Variants in HNRNPA3 observed in about 807,000 individuals in gnomAD.
The protein encoded by HNRNPA3 is heterogeneous nuclear ribonucleoprotein A3, also known as epididymis secretory sperm binding protein.
In HNRNPA3, 3 loss-of-function variants were observed where a neutral mutation model predicts 45.8. That is an observed-to-expected ratio of 0.07 (90% CI 0.03 to 0.17). The LOEUF (loss-of-function observed/expected upper bound fraction) is 0.17, where lower values mean the gene tolerates loss of function less well. HNRNPA3 is among the 10% of genes least tolerant of loss of function. The pLI, the probability that HNRNPA3 is intolerant of heterozygous loss-of-function variation, is 1.00. For synonymous variants in HNRNPA3, 170 were observed against 155.6 expected (o/e 1.09, Z -0.69); for missense variants, 183 against 480.3 (o/e 0.38, Z 5.79).
intron 1 of HNRNPA3, 77 bp from the exon 2 acceptor site, chr2:177,215,462 C>G (rs1031100160): frequency 3.3e-5 from 46 of 1,392,236 alleles, no homozygotes; most frequent in Non-Finnish European, 4.3e-5. Context: ...TTATTACTTA[C>G]CGTACATTAA....
At chr2:177,214,349 G>A (rs1688831927) in intron 1 of HNRNPA3, among the ~76,000 whole-genome samples, 1 of 152,070 alleles carries the variant, frequency 6.6e-6, no homozygotes, top group Non-Finnish European at 1.5e-5. Context: ...GTTATAGAAA[G>A]CTATTTGATC....
At chr2:177,218,386 T>C (rs1689049868) in intron 8 of HNRNPA3, among the ~76,000 whole-genome samples, 1 of 152,202 alleles carries the variant, frequency 6.6e-6, no homozygotes, top group African/African-American at 2.4e-5. Flanking sequence ...TTTAGTTGAG[T>C]AGTAAAAAAT....
intron 2 of HNRNPA3, 25 bp downstream of exon 2, chr2:177,215,686 G>T (rs370182722): frequency 6.2e-6 from 10 of 1,613,592 alleles, no homozygotes; most frequent in South Asian, 1.1e-5. Context: ...GAACAGAAGG[G>T]TTCTAAGGGG....
At chr2:177,218,957 A>G in intron 8 of HNRNPA3, 80 bp from the exon 9 acceptor site, 1 of 1,543,180 alleles carries the variant, frequency 6.5e-7, no homozygotes, top group Non-Finnish European at 8.8e-7. Flanking sequence ...ATAATTCTCA[A>G]AAGATAATAG....
chr2:177,217,098 C>T lies in HNRNPA3; in HGVS notation c.820+158C>T, dbSNP rs145275791. On this transcript the variant is annotated intron_variant, in intron 7 of 10. Coordinates refer to ENST00000392524, the Ensembl canonical transcript of HNRNPA3. ...TGGAAGAACAGGAACCCTTTTTCCC[C>T]TGGAGAGACATTAGCTGCTCTTTTT... 4.6e-5 allele frequency among the ~76,000 whole-genome samples: 7 copies of T among 152,134 alleles called. 1 individual carries two copies. Among genetic ancestry groups the T allele is most frequent in the African/African-American group, 1.4e-4 (6 of 41,524 alleles).
At chr2:177,214,671 C>G (rs192547121) in intron 1 of HNRNPA3, among the ~76,000 whole-genome samples, 2 of 152,070 alleles carry the variant, frequency 1.3e-5, no homozygotes, top group African/African-American at 2.4e-5. Flanking sequence ...GGCGGGCGCC[C>G]GTAGTCCCAG....
At chr2:177,223,398 A>C (rs1390156648), downstream of HNRNPA3, 1 of 135,302 alleles carries the variant, frequency 7.4e-6, no homozygotes, top group Non-Finnish European at 1.5e-5. Context: ...TAGCAGCAGT[A>C]AAAAAAAAAA....
chr2:177,216,866 A>G, exon 7 of HNRNPA3: 2 of 1,611,460 alleles, frequency 1.2e-6, no homozygotes, highest in Non-Finnish European at 8.5e-7. Context: ...TCAGGAGGCT[A>G]TGGTGGTGGA....
chr2:177,221,736 CATAA>C (rs1237694141), downstream of HNRNPA3: 1 of 152,594 alleles, frequency 6.6e-6, no homozygotes, highest in African/African-American at 2.4e-5. Flanking sequence ...GACAAGTCAG[CATAA>C]ATAAAGAATG....
intron 1 of HNRNPA3, among the ~76,000 whole-genome samples, chr2:177,215,239 C>T (rs56345503): frequency 0.082 from 12,534 of 152,090 alleles, 565 homozygotes; most frequent in Non-Finnish European, 0.11. Context: ...GGATTACAGA[C>T]GCCCGCCACC....
At chr2:177,217,834 A>G (rs374005681) in exon 8 of HNRNPA3, 10 of 1,578,814 alleles carry the variant, frequency 6.3e-6, no homozygotes, top group Non-Finnish European at 8.6e-6. Context: ...GAAGGAGGAA[A>G]TTTTGGCGGT....
intron 8 of HNRNPA3, 66 bp downstream of exon 8, chr2:177,217,911 T>C (rs946161647): frequency 3.6e-6 from 5 of 1,394,812 alleles, no homozygotes; most frequent in Middle Eastern, 1.9e-4. Flanking sequence ...CCATGACACA[T>C]ATTTGGAAAG....
rs187130032 is a variant in HNRNPA3, at chr2:177,213,620, G to T, written c.72+749G>T. On this transcript the variant is annotated intron_variant, in intron 1 of 10. Transcript: ENST00000392524. ...ATTACACTTCTTAAACCGCCATGTGGGCGAAGGACTTAATTTTTGAGAATT... is the reference window on the plus strand; with the variant it reads ...ATTACACTTCTTAAACCGCCATGTGTGCGAAGGACTTAATTTTTGAGAATT... Among the ~76,000 whole-genome samples, 10 of 152,344 alleles carry T rather than the reference G, an allele frequency of 6.6e-5. 1 individual carries two copies. In the East Asian group the frequency reaches 1.9e-3, roughly 29 times the overall value.
chr2:177,212,987 C>T, intron 1 of HNRNPA3, 116 bp downstream of exon 1: 3 of 650,560 alleles, frequency 4.6e-6, no homozygotes, highest in East Asian at 3.4e-5. Context: ...TGCGTTGAGA[C>T]AGGCTGTGGG....
At chr2:177,221,494 T>G (rs1689185181), downstream of HNRNPA3, 1 of 152,656 alleles carries the variant, frequency 6.6e-6, no homozygotes, top group Admixed American at 6.5e-5. Context: ...GGAACTAGTA[T>G]TATAGTGAAA....
chr2:177,222,221 C>T (rs190496332), downstream of HNRNPA3: 323 of 152,630 alleles, frequency 2.1e-3, 1 homozygote, highest in Non-Finnish European at 2.1e-3. Context: ...TTGTCCCTCT[C>T]TAGTAGGCAC....
downstream of HNRNPA3, chr2:177,222,433 T>G (rs577003784): frequency 2.6e-5 from 4 of 152,274 alleles, no homozygotes; most frequent in African/African-American, 7.2e-5. Flanking sequence ...GTGAAAACCG[T>G]TTTGGTGTGT....
At chr2:177,223,511 CAT>C (rs1405859095), downstream of HNRNPA3, 2 of 152,088 alleles carry the variant, frequency 1.3e-5, no homozygotes, top group Admixed American at 1.3e-4. Flanking sequence ...AATTTATACT[CAT>C]GTCCTAAAGG....
chr2:177,223,458 A>G (rs899394908), downstream of HNRNPA3: 2 of 152,104 alleles, frequency 1.3e-5, no homozygotes, highest in East Asian at 1.9e-4. Context: ...TGTTAAACCA[A>G]TTTGTAAGTT....
Sources: gnomAD v4.1 joint callset for allele counts (sites outside exome capture counted in the v4.1 genomes callset) on GRCh38, gnomAD v4.1.1 for gene constraint, MANE v1.5 for transcripts, NCBI Gene and HGNC (gene_info 2026-07-23, HGNC 2026-07-21) for gene names.